Variants in RGCC observed in about 807,000 individuals in gnomAD.
RGCC encodes regulator of cell cycle RGCC.
Under a neutral mutation model 15.4 loss-of-function variants are expected in RGCC, and 15 were observed. The observed-to-expected ratio is 0.97, with a 90% CI of 0.65 to 1.50. The LOEUF (loss-of-function observed/expected upper bound fraction) is 1.50, where lower values mean the gene tolerates loss of function less well. Among genes scored for constraint, RGCC ranks in the 40% most tolerant of loss-of-function variants. The pLI is 0.00. For missense variants in RGCC, 176 were observed against 189.7 expected (o/e 0.93, Z 0.42); for synonymous variants, 81 against 78.0 (o/e 1.04, Z -0.20).
intron 3 of RGCC, among the ~76,000 whole-genome samples, chr13:41,467,588 GA>G (rs1416127255): frequency 2.0e-5 from 3 of 152,170 alleles, no homozygotes; most frequent in Non-Finnish European, 4.4e-5. Context: ...TTTTTCTTAA[GA>G]AAAGTTATAC....
At position 41,457,581 on chromosome 13, in the gene RGCC, C is replaced by T. The variant is rs2043798434; in HGVS notation, c.-127C>T. ...GGCGCGGACCGTGCTGGGAGCGGCGCGGCTGGAGCGCAGCGCCGAAGGGAC... is the reference window on the plus strand; with the variant it reads ...GGCGCGGACCGTGCTGGGAGCGGCGTGGCTGGAGCGCAGCGCCGAAGGGAC... On this transcript the variant is annotated 5_prime_UTR_variant, in exon 1 of 5. Coordinates refer to ENST00000379359, the MANE Select transcript of RGCC (RefSeq NM_014059.3). The surrounding 1 kb of genome is among the most constrained non-coding windows in gnomAD (Gnocchi z 4.9). The T allele has an allele frequency of 7.2e-7, 1 of 1,397,642 alleles. No individual in the cohort carries two copies. The allele number at this position is 1,397,642 out of a possible 1,614,324, so 86.6% of individuals were successfully genotyped here. A position where few individuals can be genotyped will look rare whatever the true frequency, so the allele number is the denominator to read the frequency against.
intron 2 of RGCC, among the ~76,000 whole-genome samples, chr13:41,466,387 G>A (rs926987383): frequency 6.6e-6 from 1 of 151,918 alleles, no homozygotes; most frequent in African/African-American, 2.4e-5. Flanking sequence ...AAATCAACCT[G>A]TTTTCTAATC....
chr13:41,457,617 G>A lies in RGCC; in HGVS notation c.-91G>A. 6.7e-7 allele frequency: 1 copy of A among 1,482,280 alleles called. No homozygotes were observed. The allele number at this position is 1,482,280 out of a possible 1,614,324, so 91.8% of individuals were successfully genotyped here. On this transcript the variant is annotated 5_prime_UTR_variant, in exon 1 of 5. Transcript: ENST00000379359. This position sits in a 1 kb window ranked among gnomAD's most constrained non-coding sequence, Gnocchi z 4.9. ...CAGCGCCGAAGGGACTGGCAGGGCTGAAGTGTGCGGGACAGCAAGCCCCCG... is the reference window on the plus strand; with the variant it reads ...CAGCGCCGAAGGGACTGGCAGGGCTAAAGTGTGCGGGACAGCAAGCCCCCG...
chr13:41,468,737 A>ACTCTCTCT, intron 3 of RGCC, 39 bp from the exon 4 acceptor site: 1 of 1,316,932 alleles, frequency 7.6e-7, no homozygotes, highest in Non-Finnish European at 1.1e-6. Flanking sequence ...TGGAAACTGA[A>ACTCTCTCT]CTCTCTCTCT....
rs746800054 is a variant in RGCC at position 41,468,848 on chromosome 13, T to C, written c.406+10T>C. On this transcript the variant is annotated intron_variant, in intron 4 of 4. Transcript: ENST00000379359. The stretch of plus-strand genomic sequence containing the variant: ...GACAAAACTTTAGCAAGTAAGTACA[T>C]GTCTGATATTAAAAACAAAAAAACA... The C allele has an allele frequency of 1.3e-6, 2 of 1,584,256 alleles. No individual in the cohort carries two copies. Among genetic ancestry groups the C allele is most frequent in the Non-Finnish European group, 1.7e-6 (2 of 1,165,184 alleles).
intron 2 of RGCC, among the ~76,000 whole-genome samples, chr13:41,466,084 A>G (rs1193754692): frequency 6.7e-6 from 1 of 149,402 alleles, no homozygotes; most frequent in African/African-American, 2.5e-5. Flanking sequence ...CTCACTTCTC[A>G]CTCACACTCT....
Position 41,457,579 on chromosome 13 carries a change from C to T in RGCC, c.-129C>T. The T allele has an allele frequency of 7.2e-7, 1 of 1,393,326 alleles. No individual in the cohort carries two copies. The highest frequency in any genetic ancestry group is 3.1e-5 in the Admixed American group (1 of 31,894). 86.3% of individuals were successfully genotyped at this position (1,393,326 alleles called of 1,614,324 possible). A position where few individuals can be genotyped will look rare whatever the true frequency, so the allele number is the denominator to read the frequency against. ...CGGGCGCGGACCGTGCTGGGAGCGG[C>T]GCGGCTGGAGCGCAGCGCCGAAGGG... On this transcript the variant is annotated 5_prime_UTR_variant, in exon 1 of 5. Coordinates refer to ENST00000379359, the MANE Select transcript of RGCC (RefSeq NM_014059.3). This position sits in a 1 kb window ranked among gnomAD's most constrained non-coding sequence, Gnocchi z 4.9.
intron 2 of RGCC, among the ~76,000 whole-genome samples, chr13:41,465,371 T>C (rs1260595991): frequency 6.6e-6 from 1 of 152,138 alleles, no homozygotes; most frequent in Non-Finnish European, 1.5e-5. Flanking sequence ...ACCCTTTGAG[T>C]CAGTGCTGCT....
chr13:41,463,523 G>A (rs890996265), intron 2 of RGCC, among the ~76,000 whole-genome samples: 1 of 133,498 alleles, frequency 7.5e-6, no homozygotes, highest in African/African-American at 2.7e-5. Flanking sequence ...GCGGGGGCGG[G>A]CAGGAGGAAG....
intron 2 of RGCC, among the ~76,000 whole-genome samples, chr13:41,465,312 C>T (rs544931881): frequency 7.9e-5 from 12 of 152,280 alleles, no homozygotes; most frequent in East Asian, 5.8e-4. Context: ...GGCTGTTCCC[C>T]GTGACCTCAG....
rs963907467 is a variant in RGCC at position 41,457,570 on chromosome 13, T to A, written c.-138T>A. The A allele has an allele frequency of 4.5e-5, 62 of 1,375,396 alleles. No homozygotes were observed. Among genetic ancestry groups the A allele is most frequent in the Admixed American group, 9.6e-5 (3 of 31,162 alleles). The allele number at this position is 1,375,396 out of a possible 1,614,324, so 85.2% of individuals were successfully genotyped here. ...GTGGTAGGGCGGGCGCGGACCGTGC[T>A]GGGAGCGGCGCGGCTGGAGCGCAGC... On this transcript the variant is annotated 5_prime_UTR_variant, in exon 1 of 5. Coordinates refer to ENST00000379359, the MANE Select transcript of RGCC (RefSeq NM_014059.3). This position sits in a 1 kb window ranked among gnomAD's most constrained non-coding sequence, Gnocchi z 4.9.
At chr13:41,469,297 A>G (rs1226045386) in intron 4 of RGCC, among the ~76,000 whole-genome samples, 1 of 39,790 alleles carries the variant, frequency 2.5e-5, no homozygotes, top group Non-Finnish European at 6.2e-5. Flanking sequence ...AATAATAATA[A>G]GAAGAAGAAG....
chr13:41,463,597 T>C (rs967586763), intron 2 of RGCC, among the ~76,000 whole-genome samples: 1 of 152,094 alleles, frequency 6.6e-6, no homozygotes, highest in Non-Finnish European at 1.5e-5. Flanking sequence ...ATATTGTAAC[T>C]AGTATTTTTC....
chr13:41,466,254 C>T (rs1232375120), intron 2 of RGCC, among the ~76,000 whole-genome samples: 7 of 148,490 alleles, frequency 4.7e-5, no homozygotes, highest in Non-Finnish European at 1.0e-4. Context: ...CACCCACACT[C>T]ACACACTCAT....
chr13:41,459,934 T>C (rs546462450), intron 2 of RGCC, among the ~76,000 whole-genome samples: 5 of 152,328 alleles, frequency 3.3e-5, no homozygotes, highest in South Asian at 4.1e-4. Flanking sequence ...TCTACTAGAA[T>C]AGGTCTGAGC....
At chr13:41,469,815 AG>A (rs1593580304) in intron 4 of RGCC, among the ~76,000 whole-genome samples, 1 of 152,198 alleles carries the variant, frequency 6.6e-6, no homozygotes, top group Non-Finnish European at 1.5e-5. Flanking sequence ...ACTGCAGTAT[AG>A]GGGCCCAGAA....
At chr13:41,459,253 CA>C (rs1478321805) in intron 2 of RGCC, among the ~76,000 whole-genome samples, 1 of 152,174 alleles carries the variant, frequency 6.6e-6, no homozygotes, top group Non-Finnish European at 1.5e-5. Context: ...CCTCAAACAG[CA>C]AATTAGGTGC....
intron 2 of RGCC, among the ~76,000 whole-genome samples, chr13:41,462,819 T>C (rs2043828321): frequency 6.6e-6 from 1 of 152,326 alleles, no homozygotes; most frequent in East Asian, 1.9e-4. Flanking sequence ...ATGTTCTTAA[T>C]AAAACTCTAT....
At chr13:41,470,283 C>T (rs1205980774) in intron 4 of RGCC, among the ~76,000 whole-genome samples, 195 bp from the exon 5 acceptor site, 1 of 152,116 alleles carries the variant, frequency 6.6e-6, no homozygotes, top group East Asian at 1.9e-4. Flanking sequence ...TTGTATTAGA[C>T]CCATGTAACA....
Sources: gnomAD v4.1 joint callset for allele counts (sites outside exome capture counted in the v4.1 genomes callset) on GRCh38, gnomAD v4.1.1 for gene constraint, Gnocchi (gnomAD v3.1) non-coding constraint, MANE v1.5 for transcripts, NCBI Gene and HGNC (gene_info 2026-07-23, HGNC 2026-07-21) for gene names.